The following ZNF398 variants were observed in gnomAD, a reference collection of about 807,000 sequenced individuals.
ZNF398 encodes the protein zinc finger protein 398, also known as zinc finger DNA binding protein ZER6.
ZNF398 carries 18 observed loss-of-function variants against 41.9 expected under a neutral mutation model. The ratio of observed to expected loss-of-function variants is 0.43; its 90% CI spans 0.30 to 0.64. The LOEUF is 0.64. Among genes scored for constraint, ZNF398 ranks in the 30% least tolerant of loss-of-function variants. The pLI is 0.14. For missense variants in ZNF398, 669 were observed against 822.8 expected (o/e 0.81, Z 2.29); for synonymous variants, 260 against 308.8 (o/e 0.84, Z 1.66).
At chr7:149,156,422 G>A (rs1320535800) in intron 2 of ZNF398, among the ~76,000 whole-genome samples, 3 of 146,380 alleles carry the variant, frequency 2.0e-5, no homozygotes, top group Non-Finnish European at 3.0e-5. Flanking sequence ...CAGGAGAATC[G>A]CTTGAAGTTG....
At chr7:149,148,308 C>T (rs1585512671) in intron 1 of ZNF398, 3 of 324,854 alleles carry the variant, frequency 9.2e-6, no homozygotes, top group Non-Finnish European at 4.4e-6. Context: ...GCTGGAGTGG[C>T]CTCGCGTGCG....
chr7:149,135,389 C>CAAAAAAAAAAAAAAAA (rs777888671), intron 2 of ZNF398, among the ~76,000 whole-genome samples: 16 of 61,364 alleles, frequency 2.6e-4, no homozygotes, highest in African/African-American at 3.5e-4. Context: ...GACTCTGTCT[C>CAAAAAAAAAAAAAAAA]AAAAAAAAAA....
chr7:149,159,333 T>G (rs776315746), intron 2 of ZNF398, among the ~76,000 whole-genome samples: 1 of 152,098 alleles, frequency 6.6e-6, no homozygotes, highest in East Asian at 1.9e-4. Flanking sequence ...GAGAAACTTT[T>G]GTGTCCTTGC....
chr7:149,166,013 A>T, intron 2 of ZNF398, 145 bp from the exon 3 acceptor site: 2 of 947,596 alleles, frequency 2.1e-6, no homozygotes, highest in Non-Finnish European at 3.1e-6. Flanking sequence ...GTGAAGCATT[A>T]AAAGAAACCA....
intron 2 of ZNF398, among the ~76,000 whole-genome samples, chr7:149,136,249 C>T (rs1333229942): frequency 6.6e-6 from 1 of 152,132 alleles, no homozygotes; most frequent in East Asian, 1.9e-4. Context: ...CTCAAGGCTG[C>T]CACCTCACAC....
intron 2 of ZNF398, among the ~76,000 whole-genome samples, chr7:149,159,822 G>T (rs1795067168): frequency 6.6e-6 from 1 of 151,948 alleles, no homozygotes. Context: ...CCACCTCCCA[G>T]GCTCAAGCGA....
chr7:149,169,641 G>T (rs925594578), intron 4 of ZNF398, among the ~76,000 whole-genome samples: 3 of 152,098 alleles, frequency 2.0e-5, no homozygotes, highest in African/African-American at 7.2e-5. Context: ...CTGTGGAGAT[G>T]GGGGTTTGCC....
rs61396608 is a variant in ZNF398, at chr7:149,175,966, G to A, written c.662-502G>A. 8.8e-3 allele frequency among the ~76,000 whole-genome samples: 1,342 copies of A among 152,206 alleles called. 9 individuals carry two copies. The highest frequency in any genetic ancestry group is 0.015 in the African/African-American group (643 of 41,536). ...CTCCCAAAGTTCTGGGCTTACACGC[G>A]TGAGTTACCACACCCATCCTGTATG... On this transcript the variant is annotated intron_variant, in intron 4 of 5. Coordinates refer to ENST00000475153, the MANE Select transcript of ZNF398 (RefSeq NM_170686.3).
chr7:149,162,250 C>G (rs3953483), intron 2 of ZNF398, among the ~76,000 whole-genome samples: 1 of 151,616 alleles, frequency 6.6e-6, no homozygotes, highest in Admixed American at 6.6e-5. Flanking sequence ...GGCGCAGTCT[C>G]GGCTCACTGT....
chr7:149,176,937 A>G (rs1414290299), intron 5 of ZNF398, among the ~76,000 whole-genome samples: 1 of 152,120 alleles, frequency 6.6e-6, no homozygotes, highest in Non-Finnish European at 1.5e-5. Flanking sequence ...GGAGACAGAA[A>G]TGGCCATGGA....
chr7:149,171,408 G>A (rs571957305), intron 4 of ZNF398, among the ~76,000 whole-genome samples: 16 of 151,028 alleles, frequency 1.1e-4, no homozygotes, highest in Non-Finnish European at 1.8e-4. Context: ...TTGCCCTGTC[G>A]CCCAGGCTGG....
At chr7:149,159,129 C>T (rs1795046132) in intron 2 of ZNF398, among the ~76,000 whole-genome samples, 1 of 151,226 alleles carries the variant, frequency 6.6e-6, no homozygotes, top group African/African-American at 2.4e-5. Context: ...CAGGTGTGTA[C>T]CACCACGCCT....
intron 4 of ZNF398, among the ~76,000 whole-genome samples, chr7:149,169,784 C>T (rs1028817403): frequency 8.5e-5 from 13 of 152,076 alleles, no homozygotes; most frequent in African/African-American, 3.1e-4. Flanking sequence ...AAAATATGCT[C>T]CTGGCTCTGT....
chr7:149,142,649 A>G (rs1826852196), upstream of ZNF398, among the ~76,000 whole-genome samples: 1 of 152,252 alleles, frequency 6.6e-6, no homozygotes, highest in African/African-American at 2.4e-5. Flanking sequence ...CCTGGGCAAC[A>G]GAGCGAGACT....
At chr7:149,155,715 T>TTA (rs1794956655) in intron 2 of ZNF398, among the ~76,000 whole-genome samples, 2 of 26,786 alleles carry the variant, frequency 7.5e-5, no homozygotes, top group East Asian at 5.9e-3. Flanking sequence ...ATATTTTTTT[T>TTA]TTTTTTTTTT....
At chr7:149,175,167 G>T (rs1469033676) in intron 4 of ZNF398, among the ~76,000 whole-genome samples, 1 of 152,076 alleles carries the variant, frequency 6.6e-6, no homozygotes, top group East Asian at 1.9e-4. Flanking sequence ...AGATTTCAGT[G>T]GCGTCTAACT....
chr7:149,147,650 G>C lies in ZNF398; in HGVS notation c.-93G>C. On this transcript the variant is annotated 5_prime_UTR_variant, in exon 1 of 6. Coordinates refer to ENST00000475153, the MANE Select transcript of ZNF398 (RefSeq NM_170686.3). This position sits in a 1 kb window ranked among gnomAD's most constrained non-coding sequence, Gnocchi z 5.6. ...GCCGGGTCGGCGCCGCCTGTGGAGA[G>C]GACCCGGCGGCCGGGCCTGCTTGGA... 1 of 1,213,222 alleles carries C rather than the reference G, an allele frequency of 8.2e-7. No homozygotes were observed. The highest frequency in any genetic ancestry group is 1.0e-6 in the Non-Finnish European group (1 of 972,636). 75.2% of individuals were successfully genotyped at this position (1,213,222 alleles called of 1,614,324 possible). A position where few individuals can be genotyped will look rare whatever the true frequency, so the allele number is the denominator to read the frequency against.
chr7:149,153,207 A>G (rs1794896431), intron 1 of ZNF398, among the ~76,000 whole-genome samples: 1 of 152,102 alleles, frequency 6.6e-6, no homozygotes, highest in South Asian at 2.1e-4. Context: ...GTGGGTCACA[A>G]TGGCACACAC....
Position 149,176,557 on chromosome 7 carries a change from G to T in ZNF398, c.751G>T (p.Asp251Tyr), listed in dbSNP as rs1468777483. 9.9e-6 allele frequency: 16 copies of T among 1,609,974 alleles called. No individual in the cohort carries two copies. The highest frequency in any genetic ancestry group is 2.7e-5 in the African/African-American group (2 of 74,554). The change falls in exon 5 of 6, where the codon GAC (aspartate) becomes TAC (tyrosine). Residue 251 changes from aspartate to tyrosine, a missense_variant. Around this residue, in one of 3 missense-constraint regions of ZNF398, gnomAD observed 290 missense variants for 292.9 expected, o/e 0.99. Coordinates refer to ENST00000475153, the MANE Select transcript of ZNF398 (RefSeq NM_170686.3). ...GGCCCCACCGGAGTCCAAGGAGAGT[G>T]ACGTGTACAAAAGCACTTATGCTGG... Reference protein sequence around the residue: ...VGAPPESKESDVYKSTYADEE... With the variant: ...VGAPPESKESYVYKSTYADEE...
Sources: allele counts gnomAD v4.1 joint callset (sites outside exome capture counted in the v4.1 genomes callset), GRCh38; gene constraint gnomAD v4.1.1; regional missense constraint gnomAD v4.1.1; non-coding constraint Gnocchi (gnomAD v3.1); transcripts MANE v1.5; gene names NCBI Gene and HGNC (gene_info 2026-07-23, HGNC 2026-07-21).